Variants in DHX37 observed in about 807,000 individuals in gnomAD.
DHX37 encodes the protein DEAH-box helicase 37.
In DHX37, 52 loss-of-function variants were observed where a neutral mutation model predicts 134.3. The ratio of observed to expected loss-of-function variants is 0.39; its 90% CI spans 0.31 to 0.49. The LOEUF (loss-of-function observed/expected upper bound fraction) is 0.49. DHX37 is among the 20% of genes least tolerant of loss of function. DHX37 has a pLI of 0.93. For synonymous variants in DHX37, 634 were observed against 670.7 expected (o/e 0.95, Z 0.85); for missense variants, 1,344 against 1,580.8 (o/e 0.85, Z 2.54).
At chr12:124,976,584 C>G (rs1008317960) in intron 5 of DHX37, among the ~76,000 whole-genome samples, 1 of 152,136 alleles carries the variant, frequency 6.6e-6, no homozygotes, top group African/African-American at 2.4e-5. Flanking sequence ...AATCCCAGCA[C>G]TTTGGGAGGC....
At chr12:124,959,849 C>T (rs187747591) in intron 16 of DHX37, among the ~76,000 whole-genome samples, 22 of 152,224 alleles carry the variant, frequency 1.4e-4, no homozygotes, top group Non-Finnish European at 5.9e-5. Flanking sequence ...ACTTCCCTGC[C>T]TCCGTTTCCT....
chr12:124,981,846 G>A (rs866835743), intron 3 of DHX37, among the ~76,000 whole-genome samples: 13 of 151,932 alleles, frequency 8.6e-5, no homozygotes, highest in African/African-American at 1.9e-4. Flanking sequence ...CAAACCAGTC[G>A]GGCGCGGTGG....
rs1047980732 is a variant in DHX37, at chr12:124,947,727, C to T, written c.*75G>A. 48 of 1,484,304 alleles carry T rather than the reference C, an allele frequency of 3.2e-5. No homozygotes were observed. Among genetic ancestry groups the T allele is most frequent in the South Asian group, 4.2e-5 (3 of 70,652 alleles). 91.9% of individuals were successfully genotyped at this position (1,484,304 alleles called of 1,614,324 possible). ...CCACGAAGCCCATGCCAGGTGGTCA[C>T]GGTCGCACGGTGACAGGCTGCTGCC... On this transcript the variant is annotated 3_prime_UTR_variant, in exon 27 of 27. Transcript: ENST00000308736.
At chr12:124,961,256 GCACACACATA>G (rs1566332444) in intron 15 of DHX37, among the ~76,000 whole-genome samples, 2 of 90,130 alleles carry the variant, frequency 2.2e-5, no homozygotes, top group African/African-American at 1.0e-4. Flanking sequence ...GTGCACGCAC[GCACACACATA>G]CACGCGTGCA....
At chr12:124,984,980 G>C (rs1954836680) in intron 2 of DHX37, among the ~76,000 whole-genome samples, 1 of 152,182 alleles carries the variant, frequency 6.6e-6, no homozygotes, top group African/African-American at 2.4e-5. Context: ...GAGACACACG[G>C]AGGAAAGGCC....
At chr12:124,976,990 G>A (rs1954658656) in intron 5 of DHX37, among the ~76,000 whole-genome samples, 1 of 149,034 alleles carries the variant, frequency 6.7e-6, no homozygotes, top group African/African-American at 2.5e-5. Flanking sequence ...GAGTTGCAGT[G>A]AGCCAATATC....
intron 6 of DHX37, among the ~76,000 whole-genome samples, chr12:124,974,816 G>T (rs1954599794): frequency 6.8e-6 from 1 of 147,090 alleles, no homozygotes; most frequent in African/African-American, 2.5e-5. Context: ...CACTCTTGTT[G>T]CCCATGCTGG....
rs768494549 is a variant in DHX37 at position 124,948,165 on chromosome 12, C to G, written c.3307G>C (p.Glu1103Gln). 7.4e-6 allele frequency: 12 copies of G among 1,614,102 alleles called. No individual in the cohort carries two copies. In the South Asian group the frequency reaches 1.3e-4, roughly 18 times the overall value. ...KTWARLQPRT[E>Q]SLLRALVAEK... ...GCAACCAGGGCTCGCAGAAGGCTCT[C>G]CGTACGGGGCTGCAGCCTGTGGGGC... The change falls in exon 26 of 27, where the codon GAG (glutamate) becomes CAG (glutamine). Residue 1103 changes from glutamate to glutamine, a missense_variant. Physicochemically the swap from Glu to Gln is conservative, Grantham distance 29. Coordinates refer to ENST00000308736, the MANE Select transcript of DHX37 (RefSeq NM_032656.4).
In DHX37 at chr12:124,949,484, A is replaced by T. The variant is rs1485437649; in HGVS notation, c.3290+502T>A. Among the ~76,000 whole-genome samples the T allele has an allele frequency of 4.7e-5, 7 of 150,190 alleles. No homozygotes were observed. The highest frequency in any genetic ancestry group is 8.9e-5 in the Non-Finnish European group (6 of 67,332). On this transcript the variant is annotated intron_variant, in intron 25 of 26. Transcript: ENST00000308736. This position sits in a 1 kb window ranked among gnomAD's most constrained non-coding sequence, Gnocchi z 4.0. The stretch of plus-strand genomic sequence containing the variant: ...GCAGGGGTCTGCTTAGCTGGGAGGA[A>T]GTCCCCAGGGCCAGGAGGGCAGGAT...
At chr12:124,976,282 T>C (rs1045749511) in intron 5 of DHX37, among the ~76,000 whole-genome samples, 31 of 152,330 alleles carry the variant, frequency 2.0e-4, no homozygotes, top group African/African-American at 7.2e-4. Flanking sequence ...CGTCCTTCGC[T>C]GTAATATACC....
chr12:124,950,885 C>A, intron 21 of DHX37, 81 bp from the exon 22 acceptor site: 1 of 1,470,200 alleles, frequency 6.8e-7, no homozygotes, highest in Non-Finnish European at 9.0e-7. Flanking sequence ...GGAGAAGAAT[C>A]TGATTATCCA....
intron 4 of DHX37, among the ~76,000 whole-genome samples, chr12:124,978,931 C>CA (rs1380468336): frequency 0.061 from 7,872 of 129,908 alleles, 504 homozygotes; most frequent in African/African-American, 0.17. Context: ...GACACTGTCT[C>CA]AAAAAAAAAA....
rs11558556 is a variant in DHX37, at chr12:124,982,612, C to T, written c.288G>A (p.Met96Ile). The change falls in exon 3 of 27, where the codon ATG becomes ATA. Residue 96 changes from methionine (M) to isoleucine (I), a missense_variant. Met to Ile is a conservative substitution (Grantham distance 10). This residue lies in a region of DHX37 where 319 missense variants were observed against 296.1 expected (regional missense o/e 1.08). Coordinates refer to ENST00000308736, the MANE Select transcript of DHX37 (RefSeq NM_032656.4). Reference protein sequence around the residue: ...QKEKKSQRAEMLQKLSEVQAS... With the variant: ...QKEKKSQRAEILQKLSEVQAS... ...CCTGGACTTCACTCAGCTTCTGTAG[C>T]ATCTCTGCTCGCTGGGAAAGGAAAC... 0.35 allele frequency: 562,933 copies of T among 1,612,638 alleles called. 99,784 individuals carry two copies. The highest frequency in any genetic ancestry group is 0.45 in the East Asian group (20,115 of 44,810).
At chr12:124,962,349 C>T (rs1029276486) in intron 15 of DHX37, among the ~76,000 whole-genome samples, 4 of 151,884 alleles carry the variant, frequency 2.6e-5, no homozygotes, top group Admixed American at 6.6e-5. Flanking sequence ...GGTGAAACCC[C>T]GTCTCTACTA....
chr12:124,983,623 A>G (rs1315383771), intron 2 of DHX37, among the ~76,000 whole-genome samples: 1 of 151,776 alleles, frequency 6.6e-6, no homozygotes, highest in Non-Finnish European at 1.5e-5. Flanking sequence ...TGTCTCTACT[A>G]AAAATACAAA....
At chr12:124,959,905 G>A (rs73229557) in intron 16 of DHX37, among the ~76,000 whole-genome samples, 17,907 of 152,198 alleles carry the variant, frequency 0.12, 1,154 homozygotes, top group East Asian at 0.16. Context: ...AGCACGCAGC[G>A]TGGCACGGGG....
intron 16 of DHX37, among the ~76,000 whole-genome samples, chr12:124,959,277 G>A (rs11833488): frequency 0.16 from 23,873 of 151,756 alleles, 4,799 homozygotes; most frequent in African/African-American, 0.47. Flanking sequence ...GTTTCACCTT[G>A]TTGGCCAAGC....
At chr12:124,987,484 C>A (rs1411179680) in intron 1 of DHX37, among the ~76,000 whole-genome samples, 2 of 152,194 alleles carry the variant, frequency 1.3e-5, no homozygotes, top group Non-Finnish European at 2.9e-5. Flanking sequence ...GTCTGAGAGA[C>A]CTCAGCCCCT....
chr12:124,969,787 C>T (rs1448293014), intron 8 of DHX37, among the ~76,000 whole-genome samples: 1 of 152,008 alleles, frequency 6.6e-6, no homozygotes, highest in Non-Finnish European at 1.5e-5. Context: ...AATGGTTACA[C>T]ACAGAGTGAC....
Sources: allele counts gnomAD v4.1 joint callset (sites outside exome capture counted in the v4.1 genomes callset), GRCh38; gene constraint gnomAD v4.1.1; regional missense constraint gnomAD v4.1.1; non-coding constraint Gnocchi (gnomAD v3.1); transcripts MANE v1.5; gene names NCBI Gene and HGNC (gene_info 2026-07-23, HGNC 2026-07-21).